PIGB: variants seen among roughly 807,000 people sequenced by gnomAD.
PIGB encodes the protein GPI alpha-1,2-mannosyltransferase 3.
PIGB carries 58 observed loss-of-function variants against 68.4 expected under a neutral mutation model. The ratio of observed to expected loss-of-function variants is 0.85; its 90% CI spans 0.69 to 1.06. PIGB has a LOEUF of 1.06. PIGB is among the 50% of genes least tolerant of loss of function. The pLI, the probability that PIGB is intolerant of heterozygous loss-of-function variation, is 0.00. For missense variants in PIGB, 634 were observed against 655.8 expected, an observed-to-expected ratio of 0.97 and a Z score of 0.36; for synonymous variants, 219 against 220.5, an observed-to-expected ratio of 0.99 and a Z score of 0.06.
chr15:55,330,120 A>G (rs1284785994), intron 5 of PIGB, among the ~76,000 whole-genome samples: 1 of 152,204 alleles, frequency 6.6e-6, no homozygotes, highest in Non-Finnish European at 1.5e-5. Context: ...GCATGGTTAT[A>G]GTAGGAAGTC....
chr15:55,354,225 G>A (rs1233067892), intron 10 of PIGB, among the ~76,000 whole-genome samples: 1 of 151,804 alleles, frequency 6.6e-6, no homozygotes, highest in Non-Finnish European at 1.5e-5. Flanking sequence ...TGAGACAGGA[G>A]AATTGCTGGG....
intron 10 of PIGB, among the ~76,000 whole-genome samples, chr15:55,352,030 C>T (rs1266031351): frequency 6.7e-6 from 1 of 150,170 alleles, no homozygotes; most frequent in African/African-American, 2.4e-5. Context: ...CTCACTACAA[C>T]CTCTGCCTCC....
rs1439906838 is a variant in PIGB at position 55,329,747 on chromosome 15, G to A, written c.546G>A (p.Trp182Ter). 3.1e-6 allele frequency: 5 copies of A among 1,610,732 alleles called. No homozygotes were observed. Among genetic ancestry groups the A allele is most frequent in the Non-Finnish European group, 8.5e-7 (1 of 1,178,528 alleles). Reference sequence around the variant, plus strand: ...AGTTTTTTTGCCAGTTGTGCTCCTGGTTCACATGGTATTGCTGTACCAGAA... The same window carrying A: ...AGTTTTTTTGCCAGTTGTGCTCCTGATTCACATGGTATTGCTGTACCAGAA... The part of the protein sequence containing the change: ...RWVFFCQLCS[W>*]FTWYCCTRTL... The change falls in exon 5 of 12, where the codon TGG becomes TGA. Residue 182 changes from tryptophan (W) to a stop codon, truncating the protein, a stop_gained. Transcript: ENST00000164305. LOFTEE classifies it high-confidence loss of function.
chr15:55,320,937 A>G (rs2055149908), intron 2 of PIGB, among the ~76,000 whole-genome samples: 1 of 152,208 alleles, frequency 6.6e-6, no homozygotes, highest in African/African-American at 2.4e-5. Context: ...GTTAGCATAC[A>G]TTCCCACAGT....
At chr15:55,341,264 G>T (rs770640642) in intron 8 of PIGB, among the ~76,000 whole-genome samples, 1 of 152,110 alleles carries the variant, frequency 6.6e-6, no homozygotes, top group East Asian at 1.9e-4. Flanking sequence ...GGGAAGCTGA[G>T]GCAGAAGGAC....
chr15:55,344,966 G>A (rs2055759360), intron 9 of PIGB, among the ~76,000 whole-genome samples: 3 of 139,844 alleles, frequency 2.1e-5, no homozygotes, highest in African/African-American at 8.2e-5. Context: ...CGCAATCTCA[G>A]CTCACTACAA....
rs772405711 is a variant in PIGB at position 55,339,304 on chromosome 15, A to G, written c.832A>G (p.Ile278Val). 1 of 1,547,704 alleles carries G rather than the reference A, an allele frequency of 6.5e-7. No homozygotes were observed. The highest frequency in any genetic ancestry group is 8.7e-7 in the Non-Finnish European group (1 of 1,143,518). Residue 278 changes from isoleucine to valine, a missense_variant, in exon 7 of 12, where the codon ATT (isoleucine) becomes GTT (valine). Ile to Val is a conservative substitution (Grantham distance 29). Transcript: ENST00000164305. ...TLSLSLMIDR[I>V]FFGQWTLVQF... ...GAGTTTGTCTCTGATGATTGATCGT[A>G]TTTTTTTTGGCCAAGTAAGTAAAAG...
At chr15:55,340,580 A>G in intron 7 of PIGB, 32 bp from the exon 8 acceptor site, 3 of 1,470,370 alleles carry the variant, frequency 2.0e-6, no homozygotes, top group Non-Finnish European at 2.8e-6. Context: ...GCACTAACAC[A>G]TTTCTATTTA....
At chr15:55,341,671 T>G (rs1331361906) in intron 8 of PIGB, 67 bp from the exon 9 acceptor site, 2 of 545,066 alleles carry the variant, frequency 3.7e-6, no homozygotes, top group African/African-American at 4.0e-5. Context: ...ATTAAATATA[T>G]TACTTTCTCA....
rs1233980923 is a variant in PIGB, at chr15:55,320,362, C to A, written c.251C>A (p.Pro84Gln). Residue 84 changes from proline to glutamine, a missense_variant, in exon 2 of 12, where the codon CCA (proline) becomes CAA (glutamine). Transcript: ENST00000164305. ...NCFLVQTSFV[P>Q]DEYWQSLEVS... ...TTTTTAGTGCAGACAAGTTTTGTTCCAGATGAATACTGGCAGTCTCTTGAA... is the reference window on the plus strand; with the variant it reads ...TTTTTAGTGCAGACAAGTTTTGTTCAAGATGAATACTGGCAGTCTCTTGAA... 1 of 1,613,290 alleles carries A rather than the reference C, an allele frequency of 6.2e-7. No individual in the cohort carries two copies. Among genetic ancestry groups the A allele is most frequent in the East Asian group, 2.2e-5 (1 of 44,868 alleles).
At chr15:55,332,394 G>A (rs2055437636) in intron 5 of PIGB, among the ~76,000 whole-genome samples, 2 of 150,152 alleles carry the variant, frequency 1.3e-5, no homozygotes, top group African/African-American at 4.9e-5. Flanking sequence ...TTTTGAGATG[G>A]AGTTTCATTG....
At chr15:55,350,443 A>T (rs2055896407) in intron 9 of PIGB, 1 of 465,074 alleles carries the variant, frequency 2.2e-6, no homozygotes, top group Admixed American at 3.9e-5. Flanking sequence ...TAGAACTGGA[A>T]TTCAAATCTG....
rs370040926 is a variant in PIGB, at chr15:55,329,710, G to A, written c.523-14G>A. 1.1e-5 allele frequency: 17 copies of A among 1,603,496 alleles called. No individual in the cohort carries two copies. The highest frequency in any genetic ancestry group is 2.2e-5 in the South Asian group (2 of 89,904). On this transcript the variant is annotated splice_polypyrimidine_tract_variant and intron_variant, in intron 4 of 11. Coordinates refer to ENST00000164305, the MANE Select transcript of PIGB (RefSeq NM_004855.5). ...TTCCAATTTCATATATGTTTGCTCTGTACTTTTTCTTAGTTTTTTTGCCAG... is the reference window on the plus strand; with the variant it reads ...TTCCAATTTCATATATGTTTGCTCTATACTTTTTCTTAGTTTTTTTGCCAG...
chr15:55,341,714 T>A lies in PIGB; in HGVS notation c.1059-24T>A, dbSNP rs1377066511. On this transcript the variant is annotated intron_variant, in intron 8 of 11. Transcript: ENST00000164305. The stretch of plus-strand genomic sequence containing the variant: ...ATATAACATGATAATTAATATTTTT[T>A]AATAATATTTGTTTTTATTACAGCA... 6.8e-6 allele frequency: 7 copies of A among 1,026,474 alleles called. No homozygotes were observed. The Admixed American group carries it at 1.1e-4, about 17-fold the overall frequency. The allele number at this position is 1,026,474 out of a possible 1,614,324, so 63.6% of individuals were successfully genotyped here.
In PIGB at chr15:55,333,733, A is replaced by T. The variant is rs2055473680; in HGVS notation, c.654-134A>T. 5 of 582,124 alleles carry T rather than the reference A, an allele frequency of 8.6e-6. No homozygotes were observed. The South Asian group carries it at 1.5e-4, about 17-fold the overall frequency. The allele number at this position is 582,124 out of a possible 1,614,324, so 36.1% of individuals were successfully genotyped here. On this transcript the variant is annotated intron_variant, in intron 5 of 11. Coordinates refer to ENST00000164305, the MANE Select transcript of PIGB (RefSeq NM_004855.5). ...GGTGACAGAGTGAGACTCTGTCTCA[A>T]ACAAAACAAAACAAAACAAAAAAAA...
Position 55,339,301 on chromosome 15 carries a change from C to G in PIGB, c.829C>G (p.Arg277Gly), listed in dbSNP as rs779171214. The change falls in exon 7 of 12, where the codon CGT (arginine) becomes GGT (glycine). Residue 277 changes from arginine (R) to glycine (G), a missense_variant. Coordinates refer to ENST00000164305, the MANE Select transcript of PIGB (RefSeq NM_004855.5). ...TTTGAGTTTGTCTCTGATGATTGAT[C>G]GTATTTTTTTTGGCCAAGTAAGTAA... ...VTLSLSLMIDRIFFGQWTLVQ... is the reference protein window; with the variant it reads ...VTLSLSLMIDGIFFGQWTLVQ... 6.4e-7 allele frequency: 1 copy of G among 1,552,748 alleles called. No individual in the cohort carries two copies. Among genetic ancestry groups the G allele is most frequent in the Admixed American group, 2.0e-5 (1 of 50,702 alleles).
intron 5 of PIGB, among the ~76,000 whole-genome samples, chr15:55,333,046 C>T (rs2055453799): frequency 6.6e-6 from 1 of 152,000 alleles, no homozygotes; most frequent in Non-Finnish European, 1.5e-5. Flanking sequence ...TAGAGAAAGC[C>T]TCTCTTTATG....
intron 7 of PIGB, chr15:55,340,132 A>C (rs1404181705): frequency 1.3e-5 from 2 of 151,866 alleles, no homozygotes; most frequent in Non-Finnish European, 2.9e-5. Flanking sequence ...AGAAAAAATA[A>C]CAGTTAAGAA....
At chr15:55,320,095 C>A in intron 1 of PIGB, 180 bp from the exon 2 acceptor site, 1 of 444,676 alleles carries the variant, frequency 2.2e-6, no homozygotes, top group Non-Finnish European at 4.0e-6. Context: ...GTGGCAGTCA[C>A]CCAGTGATGA....
Sources: gnomAD v4.1 joint callset for allele counts (sites outside exome capture counted in the v4.1 genomes callset) on GRCh38, gnomAD v4.1.1 for gene constraint, MANE v1.5 for transcripts, NCBI Gene and HGNC (gene_info 2026-07-23, HGNC 2026-07-21) for gene names.